PLCE1: variants seen among roughly 807,000 people sequenced by gnomAD.
PLCE1 encodes phospholipase C epsilon 1.
PLCE1 carries 119 observed loss-of-function variants against 242.8 expected under a neutral mutation model. That is an observed-to-expected ratio of 0.49 (90% CI 0.42 to 0.57). The LOEUF (loss-of-function observed/expected upper bound fraction) is 0.57, where lower values mean the gene tolerates loss of function less well. PLCE1 is among the 20% of genes least tolerant of loss of function. PLCE1 has a pLI of 0.00. For synonymous variants in PLCE1, 945 were observed against 1,017.4 expected, an observed-to-expected ratio of 0.93 and a Z score of 1.35; for missense variants, 2,441 against 2,788.8, an observed-to-expected ratio of 0.88 and a Z score of 2.81.
chr10:94,251,108 C>T (rs1166028783), intron 8 of PLCE1, among the ~76,000 whole-genome samples: 4 of 152,146 alleles, frequency 2.6e-5, no homozygotes, highest in Non-Finnish European at 4.4e-5. Context: ...ACACACCCAT[C>T]GAGACTATAT....
rs2053226160 is a variant in PLCE1 at position 94,306,996 on chromosome 10, G to C, written c.5884+308G>C. 6.6e-6 allele frequency among the ~76,000 whole-genome samples: 1 copy of C among 152,174 alleles called. No individual in the cohort carries two copies. Among genetic ancestry groups the C allele is most frequent in the Non-Finnish European group, 1.5e-5 (1 of 68,022 alleles). On this transcript the variant is annotated intron_variant, in intron 26 of 32. Coordinates refer to ENST00000371380, the MANE Select transcript of PLCE1 (RefSeq NM_016341.4). The surrounding 1 kb of genome is among the most constrained non-coding windows in gnomAD (Gnocchi z 5.7). ...TGCTGGCAGTTTGAAAGCAGGGATT[G>C]AAATAAGGAGAGGAAACATGTCAGA...
At chr10:94,217,267 A>G (rs1440248090) in intron 4 of PLCE1, among the ~76,000 whole-genome samples, 3 of 151,990 alleles carry the variant, frequency 2.0e-5, no homozygotes, top group Admixed American at 6.6e-5. Context: ...TACCATTTAC[A>G]TGGAGAGTGT....
intron 3 of PLCE1, among the ~76,000 whole-genome samples, chr10:94,154,889 T>TATATAC (rs1185291020): frequency 1.0e-4 from 15 of 146,348 alleles, no homozygotes; most frequent in Non-Finnish European, 2.2e-4. Context: ...TAAATATATA[T>TATATAC]ATATACATAT....
At chr10:94,105,719 G>A (rs886642681) in intron 2 of PLCE1, 1 of 152,134 alleles carries the variant, frequency 6.6e-6, no homozygotes. Context: ...TCCTACTAAA[G>A]AAATTAATCT....
At chr10:94,207,514 C>CGTGTGT (rs56098317) in intron 4 of PLCE1, among the ~76,000 whole-genome samples, 2,836 of 142,836 alleles carry the variant, frequency 0.02, 92 homozygotes, top group African/African-American at 0.068. Context: ...AATAGTTATA[C>CGTGTGT]GTGTGTGTGT....
At chr10:94,058,902 T>C (rs1176368331) in intron 2 of PLCE1, among the ~76,000 whole-genome samples, 1 of 152,200 alleles carries the variant, frequency 6.6e-6, no homozygotes, top group Non-Finnish European at 1.5e-5. Flanking sequence ...AATCACCTGC[T>C]GGACCTCTCA....
intron 3 of PLCE1, among the ~76,000 whole-genome samples, chr10:94,156,392 GTC>G (rs1243340186): frequency 2.0e-5 from 3 of 152,186 alleles, no homozygotes; most frequent in Non-Finnish European, 4.4e-5. Flanking sequence ...CTTCATGACT[GTC>G]TTCTGAGGTT....
intron 2 of PLCE1, among the ~76,000 whole-genome samples, chr10:94,090,914 G>T (rs1564678049): frequency 6.6e-6 from 1 of 152,126 alleles, no homozygotes; most frequent in Non-Finnish European, 1.5e-5. Context: ...GTAATCTTTA[G>T]GAAAAGAAAA....
chr10:94,292,793 G>C, intron 22 of PLCE1, among the ~76,000 whole-genome samples: 1 of 152,228 alleles, frequency 6.6e-6, no homozygotes. Flanking sequence ...CAATTTGGAG[G>C]CAATTCTGGC....
At chr10:94,316,116 A>G (rs1327543697) in intron 28 of PLCE1, among the ~76,000 whole-genome samples, 2 of 152,204 alleles carry the variant, frequency 1.3e-5, no homozygotes, top group Admixed American at 6.5e-5. Context: ...CTTAGACCAC[A>G]TGAGAACCTA....
intron 18 of PLCE1, among the ~76,000 whole-genome samples, chr10:94,271,150 C>T (rs2051715928): frequency 6.6e-6 from 1 of 151,944 alleles, no homozygotes; most frequent in African/African-American, 2.4e-5. Flanking sequence ...GGTCTCCTTA[C>T]CCTTTCCAGA....
intron 14 of PLCE1, among the ~76,000 whole-genome samples, chr10:94,264,512 A>ATT (rs59860171): frequency 0.024 from 1,733 of 73,120 alleles, 222 homozygotes; most frequent in African/African-American, 0.027. Context: ...ACATGATTTG[A>ATT]TTTTTTTTTT....
At chr10:94,293,304 T>C (rs2052701867) in intron 22 of PLCE1, among the ~76,000 whole-genome samples, 1 of 152,230 alleles carries the variant, frequency 6.6e-6, no homozygotes, top group Non-Finnish European at 1.5e-5. Context: ...GCAGTTCTTG[T>C]TGCATTTGCC....
At chr10:94,086,823 A>T (rs2044843552) in intron 2 of PLCE1, among the ~76,000 whole-genome samples, 2 of 152,176 alleles carry the variant, frequency 1.3e-5, no homozygotes, top group Non-Finnish European at 2.9e-5. Flanking sequence ...GTGTGGCCCT[A>T]TGCAAATCAT....
intron 2 of PLCE1, among the ~76,000 whole-genome samples, chr10:94,047,365 C>T (rs1231998711): frequency 6.6e-6 from 1 of 152,108 alleles, no homozygotes; most frequent in East Asian, 1.9e-4. Context: ...GCAAAGTGTT[C>T]CGCCATAAGA....
At chr10:94,207,046 A>T (rs1037540178) in intron 4 of PLCE1, among the ~76,000 whole-genome samples, 1 of 152,238 alleles carries the variant, frequency 6.6e-6, no homozygotes, top group Non-Finnish European at 1.5e-5. Flanking sequence ...TAACCATTGT[A>T]TGTAGCTCAA....
At chr10:94,008,191 CAAAAAAAAAAA>C (rs745999207) in intron 1 of PLCE1, among the ~76,000 whole-genome samples, 2 of 55,210 alleles carry the variant, frequency 3.6e-5, no homozygotes, top group South Asian at 8.3e-4. Flanking sequence ...GACCTTGTCT[CAAAAAAAAAAA>C]AAAAAAAAAA....
In PLCE1 at chr10:94,306,409, T is replaced by G. The variant is rs1413350698; in HGVS notation, c.5623-18T>G. ...TTATCCTCGGTGACTTTGATCCCTT[T>G]TGTCTCCCTCACCCTAGATTGTCTC... On this transcript the variant is annotated intron_variant, in intron 25 of 32. Coordinates refer to ENST00000371380, the MANE Select transcript of PLCE1 (RefSeq NM_016341.4). The surrounding 1 kb of genome is among the most constrained non-coding windows in gnomAD (Gnocchi z 5.7). 1 of 1,614,184 alleles carries G rather than the reference T, an allele frequency of 6.2e-7. No individual in the cohort carries two copies. The highest frequency in any genetic ancestry group is 8.5e-7 in the Non-Finnish European group (1 of 1,180,004).
intron 32 of PLCE1, 25 bp from the exon 33 acceptor site, chr10:94,327,943 T>G (rs866256878): frequency 1.9e-6 from 1 of 529,382 alleles, no homozygotes; most frequent in Non-Finnish European, 3.9e-6. Context: ...AGTATACTAA[T>G]AAGCCTCTGT....
Sources: allele counts gnomAD v4.1 joint callset (sites outside exome capture counted in the v4.1 genomes callset), GRCh38; gene constraint gnomAD v4.1.1; non-coding constraint Gnocchi (gnomAD v3.1); transcripts MANE v1.5; gene names NCBI Gene and HGNC (gene_info 2026-07-23, HGNC 2026-07-21).